PADI4: variants seen among roughly 807,000 people sequenced by gnomAD.
PADI4 encodes the protein peptidyl arginine deiminase 4.
PADI4 carries 62 observed loss-of-function variants against 75.0 expected under a neutral mutation model. The observed-to-expected ratio is 0.83, with a 90% CI of 0.67 to 1.02. PADI4 has a LOEUF of 1.02. Ranked by LOEUF, PADI4 falls within the 50% of genes least tolerant of loss-of-function variation. The pLI, the probability that PADI4 is intolerant of heterozygous loss-of-function variation, is 0.00. For missense variants in PADI4, 845 were observed against 850.5 expected, an observed-to-expected ratio of 0.99 and a Z score of 0.08; for synonymous variants, 361 against 348.1, an observed-to-expected ratio of 1.04 and a Z score of -0.41.
chr1:17,311,525 C>CTTT (rs563562288), intron 1 of PADI4, among the ~76,000 whole-genome samples: 51 of 145,454 alleles, frequency 3.5e-4, no homozygotes, highest in South Asian at 8.7e-4. Context: ...TCTCCTTCTT[C>CTTT]TTTTTTTTTT....
Position 17,356,437 on chromosome 1 carries a change from C to T in PADI4, c.1536C>T (p.Ala512=). The T allele has an allele frequency of 6.2e-7, 1 of 1,610,766 alleles. No homozygotes were observed. ...QEQQNEGHGE[A]LLFEGIKKKK... ...AGCAGAATGAGGGCCACGGGGAGGC[C>T]CTGCTGTTCGAAGGGATCAAGAGTA... Residue 512 remains alanine, a synonymous_variant, in exon 13 of 16, where the codon GCC becomes GCT. Transcript: ENST00000375448. The surrounding 1 kb of genome is among the most constrained non-coding windows in gnomAD (Gnocchi z 4.1).
At chr1:17,337,618 G>A (rs180675030) in intron 4 of PADI4, among the ~76,000 whole-genome samples, 4 of 151,998 alleles carry the variant, frequency 2.6e-5, no homozygotes, top group African/African-American at 9.7e-5. Context: ...AACTGCACTG[G>A]GTTAAAGAAG....
intron 10 of PADI4, among the ~76,000 whole-genome samples, chr1:17,349,714 A>AAAAAAAAG (rs1553148555): frequency 5.2e-5 from 6 of 116,350 alleles, no homozygotes; most frequent in African/African-American, 5.5e-5. Context: ...AAAAAAAAAA[A>AAAAAAAAG]AAAGAAAGAA....
At chr1:17,347,771 G>A (rs528278338) in intron 9 of PADI4, among the ~76,000 whole-genome samples, 170 bp from the exon 10 acceptor site, 5 of 152,196 alleles carry the variant, frequency 3.3e-5, no homozygotes, top group Non-Finnish European at 7.3e-5. Context: ...GCAAACAGGG[G>A]GCAATAAGCT....
intron 4 of PADI4, among the ~76,000 whole-genome samples, chr1:17,336,941 A>G (rs540855918): frequency 1.2e-4 from 18 of 152,348 alleles, no homozygotes; most frequent in Admixed American, 1.1e-3. Context: ...AGGCGCCATC[A>G]CTATTAGATC....
chr1:17,363,642 T>C lies in PADI4; in HGVS notation c.1879T>C (p.Cys627Arg), dbSNP rs1351210925. 2.5e-6 allele frequency: 4 copies of C among 1,613,860 alleles called. No homozygotes were observed. In the Admixed American group the frequency reaches 5.0e-5, roughly 20 times the overall value. Reference protein sequence around the residue: ...CSLLEPLGLQCTFINDFFTYH... With the variant: ...CSLLEPLGLQRTFINDFFTYH... ...CCTGCTGGAGCCACTGGGCCTCCAG[T>C]GCACCTTCATCAACGACTTCTTCAC... The change falls in exon 16 of 16, where the codon TGC (cysteine) becomes CGC (arginine). Residue 627 changes from cysteine to arginine, a missense_variant. Physicochemically the swap from Cys to Arg is radical, Grantham distance 180 (BLOSUM62 -3). Coordinates refer to ENST00000375448, the MANE Select transcript of PADI4 (RefSeq NM_012387.3).
intron 3 of PADI4, chr1:17,334,819 T>A (rs765556483): frequency 5.6e-6 from 2 of 354,100 alleles, no homozygotes; most frequent in Non-Finnish European, 1.1e-5. Flanking sequence ...AACAATAATA[T>A]CATGATTAGT....
intron 1 of PADI4, among the ~76,000 whole-genome samples, chr1:17,312,726 G>T (rs553920832): frequency 6.6e-6 from 1 of 152,226 alleles, no homozygotes; most frequent in Non-Finnish European, 1.5e-5. Context: ...TCTGTCCTTT[G>T]TTCCATGCCT....
rs1054703907 is a variant in PADI4, at chr1:17,356,607, A to G, written c.1558+148A>G. The G allele has an allele frequency of 3.8e-5, 23 of 606,534 alleles. No individual in the cohort carries two copies. The highest frequency in any genetic ancestry group is 5.9e-5 in the Admixed American group (2 of 33,774). 37.6% of individuals were successfully genotyped at this position (606,534 alleles called of 1,614,324 possible). A position where few individuals can be genotyped will look rare whatever the true frequency, so the allele number is the denominator to read the frequency against. ...CTGTGCCAAGTGCTAGGGAGACTGC[A>G]TGAACAGGGCAGAACAGCTTGCTGC... On this transcript the variant is annotated intron_variant, in intron 13 of 15. Coordinates refer to ENST00000375448, the MANE Select transcript of PADI4 (RefSeq NM_012387.3). This position sits in a 1 kb window ranked among gnomAD's most constrained non-coding sequence, Gnocchi z 4.1.
chr1:17,336,589 G>C (rs1299344343), intron 4 of PADI4, among the ~76,000 whole-genome samples: 2 of 152,180 alleles, frequency 1.3e-5, no homozygotes, highest in Admixed American at 1.3e-4. Context: ...TGTCTACATG[G>C]GGGAATAACA....
chr1:17,339,623 T>G, intron 5 of PADI4, 65 bp from the exon 6 acceptor site: 1 of 1,587,190 alleles, frequency 6.3e-7, no homozygotes, highest in Non-Finnish European at 8.6e-7. Context: ...GGAGGTGAGG[T>G]GGCTATGGGA....
At chr1:17,321,207 G>A (rs1046262336) in intron 1 of PADI4, among the ~76,000 whole-genome samples, 3 of 152,152 alleles carry the variant, frequency 2.0e-5, no homozygotes, top group Non-Finnish European at 2.9e-5. Context: ...ATGTGGGAAG[G>A]GAGAGCCCTC....
chr1:17,322,453 C>T lies in PADI4; in HGVS notation c.93-8516C>T, dbSNP rs150082448. ...GCGGTGAGCTGAGATTGCACCACTG[C>T]ACTCTAGCCTGGGTGACAGAGTGAG... is the stretch of plus-strand genomic sequence containing the variant. On this transcript the variant is annotated intron_variant, in intron 1 of 15. Coordinates refer to ENST00000375448, the MANE Select transcript of PADI4 (RefSeq NM_012387.3). 2.3e-3 allele frequency among the ~76,000 whole-genome samples: 351 copies of T among 151,498 alleles called. 3 individuals are homozygous for T. The highest frequency in any genetic ancestry group is 8.2e-3 in the African/African-American group (336 of 41,202).
rs137857259 is a variant in PADI4 at position 17,319,443 on chromosome 1, C to T, written c.92+11129C>T. 2.7e-3 allele frequency among the ~76,000 whole-genome samples: 415 copies of T among 152,146 alleles called. 4 individuals are homozygous for T. The highest frequency in any genetic ancestry group is 9.3e-3 in the African/African-American group (386 of 41,490). On this transcript the variant is annotated intron_variant, in intron 1 of 15. Coordinates refer to ENST00000375448, the MANE Select transcript of PADI4 (RefSeq NM_012387.3). ...AATTAGCCAGGGGTGATGGCATGTACCTGTGGTCCCAGCTACTCAGGAGGC... is the reference window on the plus strand; with the variant it reads ...AATTAGCCAGGGGTGATGGCATGTATCTGTGGTCCCAGCTACTCAGGAGGC...
intron 10 of PADI4, among the ~76,000 whole-genome samples, chr1:17,351,531 C>A (rs1405129567): frequency 6.6e-6 from 1 of 150,662 alleles, no homozygotes; most frequent in Non-Finnish European, 1.5e-5. Context: ...GACCCTTGAA[C>A]CCTGAAGGGT....
At chr1:17,338,011 G>A (rs2074346799) in intron 4 of PADI4, 27 bp from the exon 5 acceptor site, 1 of 1,424,510 alleles carries the variant, frequency 7.0e-7, no homozygotes, top group Non-Finnish European at 9.9e-7. Context: ...TAGTTTCTGA[G>A]CATGACTCTT....
intron 10 of PADI4, among the ~76,000 whole-genome samples, chr1:17,351,469 G>T (rs2074619971): frequency 6.6e-6 from 1 of 151,622 alleles, no homozygotes; most frequent in Non-Finnish European, 1.5e-5. Context: ...AATAAGCCAG[G>T]CATGGTGGTG....
In PADI4 at chr1:17,338,107, G is replaced by A. The variant is rs1000178880; in HGVS notation, c.478G>A (p.Glu160Lys). The A allele has an allele frequency of 1.2e-6, 2 of 1,613,426 alleles. No homozygotes were observed. The highest frequency in any genetic ancestry group is 4.5e-5 in the East Asian group (2 of 44,836). ...LLVNCDRDNL[E>K]SSAMDCEDDE... ...GGTGAACTGTGACAGAGACAATCTCGAATCTTCTGCCATGGACTGCGAGGA... is the reference window on the plus strand; with the variant it reads ...GGTGAACTGTGACAGAGACAATCTCAAATCTTCTGCCATGGACTGCGAGGA... The change falls in exon 5 of 16, where the codon GAA becomes AAA. Residue 160 changes from glutamate (E) to lysine (K), a missense_variant. By Grantham distance (56) the Glu-to-Lys change is moderately conservative (BLOSUM62 1). Coordinates refer to ENST00000375448, the MANE Select transcript of PADI4 (RefSeq NM_012387.3).
At chr1:17,324,744 C>A (rs1300971383) in intron 1 of PADI4, among the ~76,000 whole-genome samples, 1 of 152,226 alleles carries the variant, frequency 6.6e-6, no homozygotes, top group East Asian at 1.9e-4. Flanking sequence ...TCTAGAGATT[C>A]AAAGTTCTGA....
Sources: gnomAD v4.1 joint callset for allele counts (sites outside exome capture counted in the v4.1 genomes callset) on GRCh38, gnomAD v4.1.1 for gene constraint, Gnocchi (gnomAD v3.1) non-coding constraint, MANE v1.5 for transcripts, NCBI Gene and HGNC (gene_info 2026-07-23, HGNC 2026-07-21) for gene names.